The following GPR137C variants were observed in gnomAD, a reference collection of about 807,000 sequenced individuals.
GPR137C encodes the protein integral membrane protein GPR137C.
GPR137C carries 27 observed loss-of-function variants against 43.4 expected under a neutral mutation model. That is an observed-to-expected ratio of 0.62 (90% CI 0.46 to 0.86). The LOEUF is 0.86. Ranked by LOEUF, GPR137C falls within the 40% of genes least tolerant of loss-of-function variation. The pLI is 0.00. For missense variants in GPR137C, 522 were observed against 534.6 expected (o/e 0.98, Z 0.23); for synonymous variants, 285 against 226.9 (o/e 1.26, Z -2.30).
chr14:52,633,747 CTA>C (rs1429467066), intron 5 of GPR137C, 79 bp from the exon 6 acceptor site: 1 of 1,538,370 alleles, frequency 6.5e-7, no homozygotes, highest in African/African-American at 1.4e-5. Flanking sequence ...AAGGTTAAGA[CTA>C]AAAATTATTA....
Position 52,632,350 on chromosome 14 carries a change from ATTAAC to A in GPR137C, c.867+45_867+49del, listed in dbSNP as rs149628693. Reference sequence around the variant, plus strand: ...GTATTGCCAGTCTAACAATGTGATAATTAACTTACCCTCATCTAGAAGAACACTGT... The same window carrying A: ...GTATTGCCAGTCTAACAATGTGATAATTACCCTCATCTAGAAGAACACTGT... On this transcript the variant is annotated intron_variant, in intron 4 of 6. Coordinates refer to ENST00000321662, the MANE Select transcript of GPR137C (RefSeq NM_001099652.2). 808 of 1,447,224 alleles carry A rather than the reference ATTAAC, an allele frequency of 5.6e-4. 9 individuals carry two copies. The East Asian group carries it at 0.018, about 31-fold the overall frequency. The allele number at this position is 1,447,224 out of a possible 1,614,324, so 89.6% of individuals were successfully genotyped here.
At chr14:52,563,841 A>G (rs754753173) in intron 1 of GPR137C, among the ~76,000 whole-genome samples, 3 of 152,082 alleles carry the variant, frequency 2.0e-5, no homozygotes, top group Non-Finnish European at 2.9e-5. Context: ...CTTCCCTTCA[A>G]AATGCCTGGT....
chr14:52,579,823 C>G (rs2038617280), intron 1 of GPR137C, among the ~76,000 whole-genome samples: 1 of 152,158 alleles, frequency 6.6e-6, no homozygotes, highest in African/African-American at 2.4e-5. Flanking sequence ...ACTCAGTGCC[C>G]AAGATTTTTT....
intron 1 of GPR137C, among the ~76,000 whole-genome samples, chr14:52,557,313 T>G (rs1043006663): frequency 6.6e-6 from 1 of 152,150 alleles, no homozygotes; most frequent in Admixed American, 6.5e-5. Context: ...TTGAGGTAAA[T>G]TATGTATTGT....
chr14:52,603,318 G>A (rs1266632229), intron 3 of GPR137C, among the ~76,000 whole-genome samples: 12 of 152,202 alleles, frequency 7.9e-5, no homozygotes, highest in Admixed American at 2.0e-4. Context: ...TTGTATACAT[G>A]TACCACATTT....
chr14:52,567,951 C>T (rs1278240555), intron 1 of GPR137C, among the ~76,000 whole-genome samples: 1 of 152,122 alleles, frequency 6.6e-6, no homozygotes, highest in East Asian at 1.9e-4. Flanking sequence ...AGCCACCGCG[C>T]CTGGCTGAGA....
intron 3 of GPR137C, chr14:52,611,644 G>A (rs2039040238): frequency 1.8e-6 from 1 of 543,092 alleles, no homozygotes; most frequent in Non-Finnish European, 2.3e-6. Flanking sequence ...ATCTTTTCAG[G>A]TTTCAGGATA....
intron 3 of GPR137C, among the ~76,000 whole-genome samples, chr14:52,608,390 A>G (rs777203270): frequency 3.3e-5 from 5 of 152,228 alleles, no homozygotes; most frequent in Admixed American, 1.3e-4. Context: ...CACTGTACAC[A>G]TTAGCTCCAT....
At chr14:52,600,471 C>T (rs911176871) in intron 3 of GPR137C, 130 bp downstream of exon 3, 10 of 607,576 alleles carry the variant, frequency 1.6e-5, no homozygotes, top group East Asian at 1.4e-4. Context: ...GACAGGGTCT[C>T]GCCATATTAG....
rs2039320959 is a variant in GPR137C, at chr14:52,633,808, A to C, written c.994-20A>C. On this transcript the variant is annotated intron_variant, in intron 5 of 6. Transcript: ENST00000321662. ...TGGAAAAGTAAAACCTTCATATGCT[A>C]TCTAATACTTTGTTCACAGGCACCT... 1.9e-6 allele frequency: 3 copies of C among 1,561,870 alleles called. No individual in the cohort carries two copies. The highest frequency in any genetic ancestry group is 2.6e-6 in the Non-Finnish European group (3 of 1,133,154).
Position 52,598,311 on chromosome 14 carries a change from C to A in GPR137C, c.484C>A (p.His162Asn). The A allele has an allele frequency of 7.4e-7, 1 of 1,356,648 alleles. No homozygotes were observed. The highest frequency in any genetic ancestry group is 1.0e-6 in the Non-Finnish European group (1 of 988,578). 84.0% of individuals were successfully genotyped at this position (1,356,648 alleles called of 1,614,324 possible). ...CAGATGTGCCACTGAACTTGACAGA[C>A]ACAAGTAAGTTTTATGAGTATCTAA... ...KVRCATELDR[H>N]KILLHLGFIM... Residue 162 changes from histidine to asparagine, a missense_variant, in exon 2 of 7, where the codon CAC becomes AAC. This residue lies in a region of GPR137C where 437 missense variants were observed against 425.7 expected (regional missense o/e 1.03). Coordinates refer to ENST00000321662, the MANE Select transcript of GPR137C (RefSeq NM_001099652.2).
intron 1 of GPR137C, among the ~76,000 whole-genome samples, chr14:52,592,423 G>T (rs1429045114): frequency 6.6e-6 from 1 of 152,160 alleles, no homozygotes; most frequent in Non-Finnish European, 1.5e-5. Flanking sequence ...ACCTTGGGCA[G>T]TATGGGCATT....
chr14:52,554,459 C>G (rs181075607), intron 1 of GPR137C, among the ~76,000 whole-genome samples: 135 of 152,184 alleles, frequency 8.9e-4, no homozygotes, highest in Non-Finnish European at 1.2e-4. Context: ...AGGTATTTGA[C>G]CCATTTCAAA....
chr14:52,553,631 C>G, intron 1 of GPR137C, 40 bp downstream of exon 1: 1 of 1,435,556 alleles, frequency 7.0e-7, no homozygotes, highest in Admixed American at 2.2e-5. Flanking sequence ...CGGGCGGGTG[C>G]GCGGGGCCGC....
At chr14:52,589,914 A>G (rs916446336) in intron 1 of GPR137C, among the ~76,000 whole-genome samples, 20 of 152,204 alleles carry the variant, frequency 1.3e-4, no homozygotes, top group African/African-American at 4.8e-4. Context: ...TGTACAGTAT[A>G]TAACACTGGA....
intron 1 of GPR137C, among the ~76,000 whole-genome samples, chr14:52,588,058 G>A (rs2038734954): frequency 6.6e-6 from 1 of 152,170 alleles, no homozygotes; most frequent in Admixed American, 6.5e-5. Flanking sequence ...TGCTGTATGT[G>A]ATACTCTTTA....
intron 6 of GPR137C, 73 bp from the exon 7 acceptor site, chr14:52,634,865 G>T: frequency 1.5e-6 from 2 of 1,300,516 alleles, no homozygotes; most frequent in Non-Finnish European, 2.1e-6. Context: ...CATTGAAAAT[G>T]CTAAAAATTC....
At chr14:52,603,457 T>C (rs575664457) in intron 3 of GPR137C, among the ~76,000 whole-genome samples, 1 of 152,338 alleles carries the variant, frequency 6.6e-6, no homozygotes, top group East Asian at 1.9e-4. Context: ...CTTGGATATC[T>C]ACCCAGCAGT....
chr14:52,632,890 C>T (rs1398765385), intron 4 of GPR137C, among the ~76,000 whole-genome samples: 1 of 152,100 alleles, frequency 6.6e-6, no homozygotes, highest in Non-Finnish European at 1.5e-5. Context: ...CCTAAACATA[C>T]ATTTTGACAT....
Sources: allele counts gnomAD v4.1 joint callset (sites outside exome capture counted in the v4.1 genomes callset), GRCh38; gene constraint gnomAD v4.1.1; regional missense constraint gnomAD v4.1.1; transcripts MANE v1.5; gene names NCBI Gene and HGNC (gene_info 2026-07-23, HGNC 2026-07-21).